Variants in FBXL18 observed in about 807,000 individuals in gnomAD.
FBXL18 encodes F-box and leucine rich repeat protein 18.
Under a neutral mutation model 46.0 loss-of-function variants are expected in FBXL18, and 36 were observed. The observed-to-expected ratio is 0.78, with a 90% CI of 0.60 to 1.03. The LOEUF (loss-of-function observed/expected upper bound fraction) is 1.03. FBXL18 is among the 50% of genes least tolerant of loss of function. FBXL18 has a pLI of 0.00. For synonymous variants in FBXL18, 557 were observed against 465.3 expected, an observed-to-expected ratio of 1.20 and a Z score of -2.54; for missense variants, 977 against 1,004.1, an observed-to-expected ratio of 0.97 and a Z score of 0.36.
At chr7:5,460,007 C>T (rs1266154604) in intron 4 of FBXL18, among the ~76,000 whole-genome samples, 10 of 152,108 alleles carry the variant, frequency 6.6e-5, no homozygotes, top group Admixed American at 5.2e-4. Context: ...TGCCTGTAAT[C>T]CCAACACTTT....
chr7:5,511,398 G>A (rs1363427204), intron 1 of FBXL18, among the ~76,000 whole-genome samples: 1 of 151,878 alleles, frequency 6.6e-6, no homozygotes, highest in Non-Finnish European at 1.5e-5. Context: ...GACCAACATG[G>A]AGAAACCCCG....
intron 3 of FBXL18, chr7:5,495,709 C>A: frequency 2.6e-6 from 1 of 388,978 alleles, no homozygotes; most frequent in Non-Finnish European, 5.4e-6. Context: ...GGGATCCCAG[C>A]GCCGTTTCCT....
intron 4 of FBXL18, among the ~76,000 whole-genome samples, chr7:5,464,112 A>G (rs542388453): frequency 6.6e-6 from 1 of 152,146 alleles, no homozygotes; most frequent in African/African-American, 2.4e-5. Context: ...TTGGGAGGCC[A>G]AGGTGGGCGG....
intron 4 of FBXL18, among the ~76,000 whole-genome samples, chr7:5,456,697 G>C (rs138135488): frequency 7.1e-4 from 107 of 151,748 alleles, no homozygotes; most frequent in African/African-American, 2.6e-3. Context: ...AGAGAACAGA[G>C]AAGGGAGGTT....
chr7:5,499,276 C>T (rs182007185), intron 3 of FBXL18, among the ~76,000 whole-genome samples: 1 of 151,446 alleles, frequency 6.6e-6, no homozygotes, highest in East Asian at 1.9e-4. Flanking sequence ...TGCCCACCTT[C>T]CTTGTCTGCC....
intron 1 of FBXL18, among the ~76,000 whole-genome samples, chr7:5,511,250 C>T (rs1192411447): frequency 6.6e-6 from 1 of 151,680 alleles, no homozygotes; most frequent in Non-Finnish European, 1.5e-5. Flanking sequence ...TCCTGGCTAA[C>T]ACGGTGAAAC....
chr7:5,505,401 C>G lies in FBXL18; in HGVS notation c.237+11G>C, dbSNP rs372662038. On this transcript the variant is annotated intron_variant, in intron 2 of 4. Coordinates refer to ENST00000382368, the MANE Select transcript of FBXL18 (RefSeq NM_024963.6). ...GCTTGTTTCTCATCTCCTGCCCCCA[C>G]GCCTGCTCACCTGATAGTCCTTTTG... 2 of 1,613,018 alleles carry G rather than the reference C, an allele frequency of 1.2e-6. No individual in the cohort carries two copies. The highest frequency in any genetic ancestry group is 1.1e-5 in the South Asian group (1 of 91,036).
At chr7:5,483,647 G>A (rs1783702811) in intron 4 of FBXL18, among the ~76,000 whole-genome samples, 1 of 151,818 alleles carries the variant, frequency 6.6e-6, no homozygotes, top group South Asian at 2.1e-4. Context: ...GGAAGGCTGA[G>A]GCAGGAGAAT....
rs1784246158 is a variant in FBXL18, at chr7:5,501,304, C to A, written c.965G>T (p.Ser322Ile). The A allele has an allele frequency of 6.2e-7, 1 of 1,614,170 alleles. No homozygotes were observed. Among genetic ancestry groups the A allele is most frequent in the African/African-American group, 1.3e-5 (1 of 75,068 alleles). The change falls in exon 3 of 5, where the codon AGC (serine) becomes ATC (isoleucine). Residue 322 changes from serine (S) to isoleucine (I), a missense_variant. Physicochemically the swap from Ser to Ile is moderately radical, Grantham distance 142 (BLOSUM62 -2). Transcript: ENST00000382368. ...KFNNPFYFSF[S>I]RCTLSGGHLI... ...ATGGCCGCCTGACAGGGTACAGCGG[C>A]TGAAACTGAAGTAGAACGGGTTGTT...
At chr7:5,490,283 G>A in intron 4 of FBXL18, 2 of 1,243,032 alleles carry the variant, frequency 1.6e-6, no homozygotes, top group African/African-American at 1.6e-5. Context: ...CCTCTCTCAG[G>A]AGCCCTGATC....
chr7:5,512,515 T>C (rs1487027375), intron 1 of FBXL18, among the ~76,000 whole-genome samples: 1 of 151,756 alleles, frequency 6.6e-6, no homozygotes, highest in Non-Finnish European at 1.5e-5. Context: ...CTTGGAAGGC[T>C]GAGAAGGGGA....
At chr7:5,490,505 G>A (rs916573267) in intron 4 of FBXL18, among the ~76,000 whole-genome samples, 26 of 152,328 alleles carry the variant, frequency 1.7e-4, no homozygotes, top group African/African-American at 5.5e-4. Context: ...TAAGGGAAGA[G>A]GGGCCAGACT....
rs1470094141 is a variant in FBXL18 at position 5,496,932 on chromosome 7, G to A, written c.1781+3556C>T. Among the ~76,000 whole-genome samples the A allele has an allele frequency of 1.3e-5, 2 of 150,704 alleles. No individual in the cohort carries two copies. Among genetic ancestry groups the A allele is most frequent in the African/African-American group, 2.5e-5 (1 of 40,812 alleles). ...TGTAATCCCAGCTACTCTGGAGGCT[G>A]AGACAGGAGAATCGCTTGAATCCAG... is the stretch of plus-strand genomic sequence containing the variant. On this transcript the variant is annotated intron_variant, in intron 3 of 4. Transcript: ENST00000382368. This position sits in a 1 kb window ranked among gnomAD's most constrained non-coding sequence, Gnocchi z 4.8.
rs759406000 is a variant in FBXL18 at position 5,501,686 on chromosome 7, C to G, written c.583G>C (p.Glu195Gln). The G allele has an allele frequency of 6.2e-7, 1 of 1,605,928 alleles. No individual in the cohort carries two copies. Among genetic ancestry groups the G allele is most frequent in the Admixed American group, 1.7e-5 (1 of 59,186 alleles). ...ATCTCGAAGTAGAGCAGCAGCTTCTCTAGGCTGGTGCAGCAGGGCACCACG... is the reference window on the plus strand; with the variant it reads ...ATCTCGAAGTAGAGCAGCAGCTTCTGTAGGCTGGTGCAGCAGGGCACCACG... ...YGVVPCCTSL[E>Q]KLLLYFEILD... is the part of the protein sequence containing the mutation. Residue 195 changes from glutamate to glutamine, a missense_variant, in exon 3 of 5, where the codon GAG becomes CAG. Coordinates refer to ENST00000382368, the MANE Select transcript of FBXL18 (RefSeq NM_024963.6).
chr7:5,509,957 G>T (rs1472171988), intron 1 of FBXL18, among the ~76,000 whole-genome samples: 1 of 152,028 alleles, frequency 6.6e-6, no homozygotes, highest in Non-Finnish European at 1.5e-5. Flanking sequence ...ACTTTGTTAA[G>T]TTAAGGCACC....
At chr7:5,509,879 G>C (rs1235362274) in intron 1 of FBXL18, among the ~76,000 whole-genome samples, 1 of 151,966 alleles carries the variant, frequency 6.6e-6, no homozygotes, top group Non-Finnish European at 1.5e-5. Flanking sequence ...TCCGGCCAGA[G>C]GACCCTAGGA....
intron 1 of FBXL18, among the ~76,000 whole-genome samples, chr7:5,509,435 C>G (rs764560682): frequency 6.6e-6 from 1 of 151,944 alleles, no homozygotes; most frequent in Admixed American, 6.6e-5. Context: ...GGCTCACGCC[C>G]GTAATCCCCA....
Position 5,455,930 on chromosome 7 carries a change from G to T in FBXL18, c.2001-8087C>A, listed in dbSNP as rs1312984332. Among the ~76,000 whole-genome samples the T allele has an allele frequency of 6.6e-6, 1 of 152,048 alleles. No homozygotes were observed. The highest frequency in any genetic ancestry group is 6.6e-5 in the Admixed American group (1 of 15,254). ...CATGGGCCGTGCTGGCTCCAGCATCGCAGTCTAACAGCTCCCTGCCGCATT... is the reference window on the plus strand; with the variant it reads ...CATGGGCCGTGCTGGCTCCAGCATCTCAGTCTAACAGCTCCCTGCCGCATT... On this transcript the variant is annotated intron_variant and NMD_transcript_variant, in intron 4 of 6. Coordinates refer to the FBXL18 transcript ENST00000415009. This position sits in a 1 kb window ranked among gnomAD's most constrained non-coding sequence, Gnocchi z 4.6.
In FBXL18 at chr7:5,501,040, G is replaced by A. The variant is rs1456475215; in HGVS notation, c.1229C>T (p.Ala410Val). ...GAGGGAGCGCAGGTGACGCAGCCGG[G>A]CCAGGAGCTGGCAGAGGTGGCGGCC... The part of the protein sequence containing the change: ...GLGRHLCQLL[A>V]RLRHLRSLSL... The change falls in exon 3 of 5, where the codon GCC (alanine) becomes GTC (valine). Residue 410 changes from alanine to valine, a missense_variant. Transcript: ENST00000382368. 1 of 1,606,902 alleles carries A rather than the reference G, an allele frequency of 6.2e-7. No individual in the cohort carries two copies. The highest frequency in any genetic ancestry group is 8.5e-7 in the Non-Finnish European group (1 of 1,178,332).
Sources: gnomAD v4.1 joint callset for allele counts (sites outside exome capture counted in the v4.1 genomes callset) on GRCh38, gnomAD v4.1.1 for gene constraint, Gnocchi (gnomAD v3.1) non-coding constraint, MANE v1.5 for transcripts, NCBI Gene and HGNC (gene_info 2026-07-23, HGNC 2026-07-21) for gene names.